The following RBBP4 variants were observed in gnomAD, a reference collection of about 807,000 sequenced individuals.
RBBP4 encodes the protein RB binding protein 4, chromatin remodeling factor, also known as histone-binding protein RBBP4.
A neutral mutation model predicts 57.2 loss-of-function variants in RBBP4; 3 were observed. The ratio of observed to expected loss-of-function variants is 0.05; its 90% confidence interval spans 0.02 to 0.14. The LOEUF (loss-of-function observed/expected upper bound fraction) is 0.14. RBBP4 is among the 10% of genes least tolerant of loss of function. The pLI, the probability that RBBP4 is intolerant of heterozygous loss-of-function variation, is 1.00. For synonymous variants in RBBP4, 151 were observed against 171.5 expected, an observed-to-expected ratio of 0.88 and a Z score of 0.93; for missense variants, 107 against 520.6, an observed-to-expected ratio of 0.21 and a Z score of 7.73.
chr1:32,660,091 T>G (rs538479015), intron 3 of RBBP4, among the ~76,000 whole-genome samples: 100 of 152,346 alleles, frequency 6.6e-4, no homozygotes, highest in African/African-American at 2.3e-3. Context: ...TTATTTGTGA[T>G]GTTGAGCTTA....
chr1:32,681,952 T>G lies in RBBP4; in HGVS notation c.*2247T>G. The G allele has an allele frequency of 8.4e-7, 1 of 1,190,540 alleles. No homozygotes were observed. The highest frequency in any genetic ancestry group is 2.1e-4 in the Middle Eastern group (1 of 4,788). The allele number at this position is 1,190,540 out of a possible 1,614,324, so 73.7% of individuals were successfully genotyped here. ...GAGAAGAGATTGTTACAGTGTGATT[T>G]ATGGATGATCAGGGATGACTTTCCC... On this transcript the variant is annotated 3_prime_UTR_variant, in exon 12 of 12. Coordinates refer to ENST00000373493, the MANE Select transcript of RBBP4 (RefSeq NM_005610.3).
chr1:32,665,678 T>TTAA (rs561623612), intron 3 of RBBP4, among the ~76,000 whole-genome samples: 1 of 136,574 alleles, frequency 7.3e-6, no homozygotes, highest in Non-Finnish European at 1.5e-5. Flanking sequence ...ACCCTGTCTT[T>TTAA]AAAAAAAAAA....
At chr1:32,658,209 G>A (rs1031498338) in intron 3 of RBBP4, among the ~76,000 whole-genome samples, 1 of 152,042 alleles carries the variant, frequency 6.6e-6, no homozygotes, top group African/African-American at 2.4e-5. Context: ...GTGAAAATTG[G>A]TTTGTGTATG....
Position 32,680,574 on chromosome 1 carries a change from C to T in RBBP4, c.*869C>T. 6.6e-7 allele frequency: 1 copy of T among 1,517,286 alleles called. No homozygotes were observed. The highest frequency in any genetic ancestry group is 8.9e-7 in the Non-Finnish European group (1 of 1,119,232). The allele number at this position is 1,517,286 out of a possible 1,614,324, so 94.0% of individuals were successfully genotyped here. A position where few individuals can be genotyped will look rare whatever the true frequency, so the allele number is the denominator to read the frequency against. ...TGATGCCATCTCCATTTTGGGTGAC[C>T]TGTTTCACCAGCAGGCCTGTTACTC... is the stretch of plus-strand genomic sequence containing the variant. On this transcript the variant is annotated 3_prime_UTR_variant, in exon 12 of 12. Transcript: ENST00000373493.
intron 3 of RBBP4, among the ~76,000 whole-genome samples, chr1:32,659,005 ATAGT>A (rs1343554924): frequency 6.8e-6 from 1 of 147,646 alleles, no homozygotes; most frequent in South Asian, 2.1e-4. Flanking sequence ...TGTGTAAAAT[ATAGT>A]TATATATAAT....
Position 32,686,132 on chromosome 1 carries a change from G to A in RBBP4, c.*6427G>A, listed in dbSNP as rs761059465. The A allele has an allele frequency of 4.6e-5, 7 of 152,188 alleles. No individual in the cohort carries two copies. Among genetic ancestry groups the A allele is most frequent in the Non-Finnish European group, 1.0e-4 (7 of 68,030 alleles). 9.4% of individuals were successfully genotyped at this position (152,188 alleles called of 1,614,324 possible). On this transcript the variant is annotated 3_prime_UTR_variant, in exon 12 of 12. Coordinates refer to ENST00000373493, the MANE Select transcript of RBBP4 (RefSeq NM_005610.3). The stretch of plus-strand genomic sequence containing the variant: ...AGATTTCTAAGACAGCACACAAAAT[G>A]TAAAATATGTCAAAAATATTTGATA...
At chr1:32,666,982 A>G (rs911053591) in intron 3 of RBBP4, among the ~76,000 whole-genome samples, 1 of 152,248 alleles carries the variant, frequency 6.6e-6, no homozygotes, top group Non-Finnish European at 1.5e-5. Context: ...TCACGCCCGC[A>G]TAAGGGCCAC....
chr1:32,658,903 A>G (rs186104367), intron 3 of RBBP4, among the ~76,000 whole-genome samples: 47 of 146,262 alleles, frequency 3.2e-4, no homozygotes, highest in Middle Eastern at 3.6e-3. Flanking sequence ...GTAAAATTAT[A>G]TGTGTAATTT....
At chr1:32,653,262 CAA>C (rs746238122) in intron 2 of RBBP4, among the ~76,000 whole-genome samples, 62 of 152,094 alleles carry the variant, frequency 4.1e-4, no homozygotes, top group Non-Finnish European at 7.4e-4. Flanking sequence ...ATGCAAAAAA[CAA>C]AGAGGAGGGT....
chr1:32,680,252 C>G lies in RBBP4; in HGVS notation c.*547C>G. ...AGTTAAGTCAAAACAACACGTTCCT[C>G]TTTCCCCATATATTCATATATTTTT... On this transcript the variant is annotated 3_prime_UTR_variant, in exon 12 of 12. Coordinates refer to ENST00000373493, the MANE Select transcript of RBBP4 (RefSeq NM_005610.3). 1 of 1,187,630 alleles carries G rather than the reference C, an allele frequency of 8.4e-7. No homozygotes were observed. Among genetic ancestry groups the G allele is most frequent in the Non-Finnish European group, 1.0e-6 (1 of 958,176 alleles). The allele number at this position is 1,187,630 out of a possible 1,614,324, so 73.6% of individuals were successfully genotyped here.
At chr1:32,656,526 A>G (rs1648148319) in intron 2 of RBBP4, among the ~76,000 whole-genome samples, 1 of 152,038 alleles carries the variant, frequency 6.6e-6, no homozygotes, top group Non-Finnish European at 1.5e-5. Context: ...TAATTTTTGT[A>G]TTTTTAGTAG....
intron 11 of RBBP4, among the ~76,000 whole-genome samples, chr1:32,675,187 C>T (rs558409720): frequency 1.6e-4 from 24 of 151,930 alleles, no homozygotes; most frequent in South Asian, 8.3e-4. Flanking sequence ...TGCGCCACCA[C>T]GCCTGGCTAA....
intron 3 of RBBP4, among the ~76,000 whole-genome samples, chr1:32,667,303 A>G (rs1037852411): frequency 1.2e-4 from 18 of 152,192 alleles, no homozygotes; most frequent in African/African-American, 4.3e-4. Context: ...AAAGTCTTTG[A>G]TCCTTCTGAT....
chr1:32,665,931 A>G (rs1402113229), intron 3 of RBBP4, among the ~76,000 whole-genome samples: 1 of 152,196 alleles, frequency 6.6e-6, no homozygotes, highest in Non-Finnish European at 1.5e-5. Flanking sequence ...AACTACCTTT[A>G]TTTATATATT....
In RBBP4 at chr1:32,673,584, C is replaced by T. The variant is rs778278194; in HGVS notation, c.1212+683C>T. ...TTCTGAGTAGCTGGGACTATAGGTG[C>T]GTACCACCATGCCTGGCTAATTTTT... is the stretch of plus-strand genomic sequence containing the variant. On this transcript the variant is annotated intron_variant, in intron 11 of 11. Coordinates refer to ENST00000373493, the MANE Select transcript of RBBP4 (RefSeq NM_005610.3). 6.7e-5 allele frequency: 21 copies of T among 314,788 alleles called. 1 individual carries two copies. The highest frequency in any genetic ancestry group is 4.0e-4 in the South Asian group (17 of 42,476). 19.5% of individuals were successfully genotyped at this position (314,788 alleles called of 1,614,324 possible).
intron 3 of RBBP4, among the ~76,000 whole-genome samples, chr1:32,659,318 T>A (rs1433860711): frequency 6.6e-6 from 1 of 151,726 alleles, no homozygotes; most frequent in Non-Finnish European, 1.5e-5. Flanking sequence ...CCCAGCACTT[T>A]GGGAGGCTGA....
At chr1:32,667,811 A>G (rs935597671) in intron 3 of RBBP4, among the ~76,000 whole-genome samples, 6 of 152,196 alleles carry the variant, frequency 3.9e-5, no homozygotes, top group Admixed American at 2.0e-4. Flanking sequence ...CACATAACCT[A>G]TGCAGATCTT....
At chr1:32,667,320 A>G (rs897928864) in intron 3 of RBBP4, among the ~76,000 whole-genome samples, 8 of 152,224 alleles carry the variant, frequency 5.3e-5, no homozygotes, top group Non-Finnish European at 1.2e-4. Context: ...TGATAAGTGC[A>G]TAGAAGAAAA....
At chr1:32,652,130 T>G (rs1647771081) in intron 2 of RBBP4, 69 bp downstream of exon 2, 1 of 1,515,380 alleles carries the variant, frequency 6.6e-7, no homozygotes, top group Admixed American at 2.0e-5. Context: ...GATTTTCTTT[T>G]TTCCGCTCTT....
Sources: gnomAD v4.1 joint callset for allele counts (sites outside exome capture counted in the v4.1 genomes callset) on GRCh38, gnomAD v4.1.1 for gene constraint, MANE v1.5 for transcripts, NCBI Gene and HGNC (gene_info 2026-07-23, HGNC 2026-07-21) for gene names.